Variants in NPSR1 observed in about 807,000 individuals in gnomAD.
NPSR1 encodes neuropeptide S receptor 1, also known as neuropeptide S receptor.
In NPSR1, 48 loss-of-function variants were observed where a neutral mutation model predicts 46.9. That is an observed-to-expected ratio of 1.02 (90% CI 0.81 to 1.30). The LOEUF (loss-of-function observed/expected upper bound fraction) is 1.30, where lower values mean the gene tolerates loss of function less well. Among genes scored for constraint, NPSR1 ranks in the 50% most tolerant of loss-of-function variants. The pLI, the probability that NPSR1 is intolerant of heterozygous loss-of-function variation, is 0.00. For synonymous variants in NPSR1, 176 were observed against 168.1 expected (o/e 1.05, Z -0.36); for missense variants, 450 against 449.5 (o/e 1.00, Z -0.01).
At chr7:34,679,877 G>A (rs1792527554) in intron 1 of NPSR1, among the ~76,000 whole-genome samples, 3 of 151,974 alleles carry the variant, frequency 2.0e-5, no homozygotes, top group Admixed American at 2.0e-4. Context: ...GCTACTACTA[G>A]TTAGAAATAA....
At position 34,862,608 on chromosome 7, in the gene NPSR1, G is replaced by C. The variant is rs144627159; in HGVS notation, c.1025+13945G>C. On this transcript the variant is annotated intron_variant, in intron 8 of 8. Transcript: ENST00000359791. ...ATACAGCTTCTCTGTAGATACTTTTGGGAACATCAGTGGACAAGTTAGAAT... is the reference window on the plus strand; with the variant it reads ...ATACAGCTTCTCTGTAGATACTTTTCGGAACATCAGTGGACAAGTTAGAAT... 6.9e-3 allele frequency among the ~76,000 whole-genome samples: 1,040 copies of C among 151,738 alleles called. 14 individuals are homozygous for C. The highest frequency in any genetic ancestry group is 0.027 in the Middle Eastern group (8 of 294).
rs769626577 is a variant in NPSR1 at position 34,858,862 on chromosome 7, TG to T, written c.1025+10208del. On this transcript the variant is annotated intron_variant, in intron 8 of 8. Transcript: ENST00000359791. ...ATTATGGGAGCTACAGGATGAGATCTGGGGGGGGGACACAGATCCAAACCAT... is the reference window on the plus strand; with the variant it reads ...ATTATGGGAGCTACAGGATGAGATCTGGGGGGGGACACAGATCCAAACCAT... Among the ~76,000 whole-genome samples the T allele has an allele frequency of 9.1e-4, 137 of 150,710 alleles. 3 individuals carry two copies. Among genetic ancestry groups the T allele is most frequent in the African/African-American group, 3.1e-3 (125 of 40,690 alleles).
At chr7:34,721,312 C>T (rs1583878344) in intron 2 of NPSR1, among the ~76,000 whole-genome samples, 1 of 152,122 alleles carries the variant, frequency 6.6e-6, no homozygotes, top group Non-Finnish European at 1.5e-5. Context: ...AAGATAGCAA[C>T]GAGTGTTCCT....
At chr7:34,846,381 G>T (rs912053008) in intron 7 of NPSR1, among the ~76,000 whole-genome samples, 2 of 151,994 alleles carry the variant, frequency 1.3e-5, no homozygotes, top group African/African-American at 4.8e-5. Context: ...CAAACACTTT[G>T]TAATGTCCCT....
chr7:34,658,649 A>G, intron 1 of NPSR1, 90 bp downstream of exon 1: 1 of 1,232,880 alleles, frequency 8.1e-7, no homozygotes. Flanking sequence ...CATAGCCAGT[A>G]TTGTGAATGA....
At chr7:34,684,153 G>A (rs529480038) in intron 1 of NPSR1, among the ~76,000 whole-genome samples, 1 of 152,156 alleles carries the variant, frequency 6.6e-6, no homozygotes, top group East Asian at 1.9e-4. Flanking sequence ...TAGCTATGCT[G>A]TAATAGTTCA....
chr7:34,673,147 C>T (rs34548429), intron 1 of NPSR1, among the ~76,000 whole-genome samples: 2,976 of 152,238 alleles, frequency 0.02, 94 homozygotes, highest in African/African-American at 0.068. Flanking sequence ...ACCAGCTCCT[C>T]CCCAGGTTCT....
chr7:34,861,494 A>G (rs1472867441), intron 8 of NPSR1, among the ~76,000 whole-genome samples: 5 of 151,826 alleles, frequency 3.3e-5, no homozygotes, highest in Non-Finnish European at 5.9e-5. Context: ...TTGCAGTAGT[A>G]TGTATTGCCT....
At chr7:34,861,544 T>C (rs1002473571) in intron 8 of NPSR1, among the ~76,000 whole-genome samples, 1 of 151,946 alleles carries the variant, frequency 6.6e-6, no homozygotes, top group Non-Finnish European at 1.5e-5. Flanking sequence ...CTATGTTTAT[T>C]GTTGATATCT....
At chr7:34,685,327 C>G (rs143460478) in intron 2 of NPSR1, among the ~76,000 whole-genome samples, 1 of 152,118 alleles carries the variant, frequency 6.6e-6, no homozygotes, top group Non-Finnish European at 1.5e-5. Flanking sequence ...ATGAGTAGAG[C>G]TCATGTTCAA....
At chr7:34,861,675 T>C (rs534174669) in intron 8 of NPSR1, among the ~76,000 whole-genome samples, 4 of 151,914 alleles carry the variant, frequency 2.6e-5, no homozygotes, top group African/African-American at 7.3e-5. Context: ...TATTTACACA[T>C]GGAGGGGCAG....
At chr7:34,779,764 T>G (rs1787150367) in intron 3 of NPSR1, 2 of 301,014 alleles carry the variant, frequency 6.6e-6, no homozygotes. Context: ...TTGCTTATTA[T>G]ATTAGCAATC....
At chr7:34,877,953 G>A (rs12701392) in intron 8 of NPSR1, 26 of 582,190 alleles carry the variant, frequency 4.5e-5, no homozygotes, top group Middle Eastern at 3.9e-4. Flanking sequence ...GTGAAGAACC[G>A]AGGCGGGAGG....
chr7:34,792,451 G>A (rs1425115505), intron 3 of NPSR1, among the ~76,000 whole-genome samples: 3 of 147,996 alleles, frequency 2.0e-5, no homozygotes, highest in Non-Finnish European at 4.4e-5. Context: ...ATTGAGCGCA[G>A]GTATTCAAGA....
intron 7 of NPSR1, among the ~76,000 whole-genome samples, chr7:34,846,830 A>G (rs1400304946): frequency 1.3e-5 from 2 of 152,212 alleles, no homozygotes; most frequent in African/African-American, 2.4e-5. Context: ...TTATGTGTAA[A>G]ACAAAGTCAG....
At chr7:34,673,412 G>A (rs1792157924) in intron 1 of NPSR1, among the ~76,000 whole-genome samples, 1 of 152,110 alleles carries the variant, frequency 6.6e-6, no homozygotes, top group Admixed American at 6.5e-5. Context: ...CTTCCGGCCT[G>A]AGTGTCATTT....
chr7:34,729,082 T>G (rs1194339816), intron 2 of NPSR1, among the ~76,000 whole-genome samples: 2 of 152,088 alleles, frequency 1.3e-5, no homozygotes, highest in Non-Finnish European at 2.9e-5. Context: ...GAGGTTCAGC[T>G]CTGAACAAAC....
chr7:34,734,512 A>G (rs1410402943), intron 2 of NPSR1, among the ~76,000 whole-genome samples: 5 of 152,206 alleles, frequency 3.3e-5, no homozygotes, highest in Non-Finnish European at 5.9e-5. Flanking sequence ...ACACTAAGGT[A>G]TAAGTTCCTC....
intron 6 of NPSR1, among the ~76,000 whole-genome samples, chr7:34,840,667 G>T (rs1490190945): frequency 6.6e-6 from 1 of 152,224 alleles, no homozygotes; most frequent in Non-Finnish European, 1.5e-5. Flanking sequence ...TGGCTTTGAA[G>T]TGACTGTGGC....
Sources: allele counts gnomAD v4.1 joint callset (sites outside exome capture counted in the v4.1 genomes callset), GRCh38; gene constraint gnomAD v4.1.1; transcripts MANE v1.5; gene names NCBI Gene and HGNC (gene_info 2026-07-23, HGNC 2026-07-21).